Variants in UBAP2 observed in about 807,000 individuals in gnomAD.
UBAP2 encodes ubiquitin-associated protein 2.
A neutral mutation model predicts 139.6 loss-of-function variants in UBAP2; 75 were observed. That is an observed-to-expected ratio of 0.54 (90% CI 0.45 to 0.65). UBAP2 has a LOEUF of 0.65. Among genes scored for constraint, UBAP2 ranks in the 30% least tolerant of loss-of-function variants. The pLI is 0.00. For synonymous variants in UBAP2, 526 were observed against 526.2 expected (o/e 1.00, Z 0.01); for missense variants, 1,368 against 1,369.6 (o/e 1.00, Z 0.02).
chr9:33,983,809 A>C (rs1820971940), intron 6 of UBAP2, among the ~76,000 whole-genome samples: 1 of 152,258 alleles, frequency 6.6e-6, no homozygotes, highest in Non-Finnish European at 1.5e-5. Context: ...AATATAAAAA[A>C]TACTAAGCAG....
rs371616706 is a variant in UBAP2 at position 33,980,823 on chromosome 9, T to C, written c.520+5937A>G. 1.0e-3 allele frequency among the ~76,000 whole-genome samples: 151 copies of C among 151,318 alleles called. 2 individuals carry two copies. The Middle Eastern group carries it at 0.034, about 34-fold the overall frequency. On this transcript the variant is annotated intron_variant, in intron 6 of 28. Transcript: ENST00000379238. ...TTAGCTGGGCATAGTAGCGTGCACCTGTAGTCCCAGCTACTAGGGACGCTG... is the reference window on the plus strand; with the variant it reads ...TTAGCTGGGCATAGTAGCGTGCACCCGTAGTCCCAGCTACTAGGGACGCTG...
intron 16 of UBAP2, among the ~76,000 whole-genome samples, chr9:33,937,287 A>G (rs1290657536): frequency 6.6e-6 from 1 of 152,162 alleles, no homozygotes; most frequent in African/African-American, 2.4e-5. Flanking sequence ...AAGTAAAATT[A>G]TCTAGCATGT....
chr9:33,943,459 C>G lies in UBAP2; in HGVS notation c.1676G>C (p.Ser559Thr). The G allele has an allele frequency of 6.2e-7, 1 of 1,614,200 alleles. No individual in the cohort carries two copies. The highest frequency in any genetic ancestry group is 8.5e-7 in the Non-Finnish European group (1 of 1,180,024). Reference sequence around the variant, plus strand: ...ATACAAGCTGATGGGAATCTGATTACTATTTTCACTGCTTGGAGCTGATCC... The same window carrying G: ...ATACAAGCTGATGGGAATCTGATTAGTATTTTCACTGCTTGGAGCTGATCC... The part of the protein sequence containing the change: ...EFGSAPSSEN[S>T]NQIPISLYSK... Residue 559 changes from serine to threonine, a missense_variant, in exon 15 of 29, where the codon AGT becomes ACT. Transcript: ENST00000379238.
At chr9:34,013,329 C>T (rs1237685364) in intron 2 of UBAP2, among the ~76,000 whole-genome samples, 4 of 152,092 alleles carry the variant, frequency 2.6e-5, no homozygotes, top group African/African-American at 9.6e-5. Context: ...CTGGGTGGAT[C>T]ACCTGAAGTC....
chr9:33,997,647 C>T (rs193300840), intron 3 of UBAP2: 15 of 152,304 alleles, frequency 9.8e-5, no homozygotes, highest in Non-Finnish European at 7.3e-5. Flanking sequence ...CTGCAACATA[C>T]AATTTTTAAG....
intron 1 of UBAP2, among the ~76,000 whole-genome samples, chr9:34,034,621 T>A (rs2131342310): frequency 6.6e-6 from 1 of 152,320 alleles, no homozygotes; most frequent in East Asian, 1.9e-4. Flanking sequence ...ACGCCTGTAA[T>A]CCCAGCACTT....
intron 10 of UBAP2, among the ~76,000 whole-genome samples, chr9:33,957,100 A>T (rs897371196): frequency 1.3e-5 from 2 of 151,940 alleles, no homozygotes; most frequent in African/African-American, 4.8e-5. Flanking sequence ...AAAAAAAAAA[A>T]AGAAGAAGTC....
chr9:34,019,901 T>A (rs1053879820), intron 1 of UBAP2, among the ~76,000 whole-genome samples: 9 of 151,842 alleles, frequency 5.9e-5, no homozygotes, highest in Non-Finnish European at 8.8e-5. Flanking sequence ...GTGGCTCATA[T>A]CTGTAATCCT....
intron 4 of UBAP2, among the ~76,000 whole-genome samples, chr9:33,994,213 T>C (rs983708584): frequency 4.6e-5 from 7 of 152,116 alleles, no homozygotes; most frequent in East Asian, 1.9e-4. Flanking sequence ...TTCTAATACA[T>C]AGCCCAGAAC....
chr9:33,999,907 T>TACG (rs56853849), intron 2 of UBAP2, among the ~76,000 whole-genome samples: 2 of 77,732 alleles, frequency 2.6e-5, no homozygotes, highest in Admixed American at 1.3e-4. Context: ...TGTATGTATG[T>TACG]TATTTTGAGA....
At chr9:33,940,026 G>GGAGGAAGAGGGAAGA (rs1825065692) in intron 16 of UBAP2, among the ~76,000 whole-genome samples, 1 of 145,796 alleles carries the variant, frequency 6.9e-6, no homozygotes, top group Non-Finnish European at 1.5e-5. Context: ...GGGAGGGAGA[G>GGAGGAAGAGGGAAGA]GAGGGAGAGG....
intron 10 of UBAP2, among the ~76,000 whole-genome samples, chr9:33,959,998 A>C (rs1010090482): frequency 6.6e-6 from 1 of 152,040 alleles, no homozygotes; most frequent in Non-Finnish European, 1.5e-5. Flanking sequence ...AGGGCGGTCG[A>C]ATGATAATGC....
intron 12 of UBAP2, among the ~76,000 whole-genome samples, chr9:33,950,896 CAT>C (rs1165822061): frequency 1.3e-5 from 2 of 152,254 alleles, no homozygotes; most frequent in African/African-American, 2.4e-5. Flanking sequence ...ACAATACACA[CAT>C]GTGCATACAT....
At chr9:33,936,665 C>CA (rs1304576484) in intron 16 of UBAP2, among the ~76,000 whole-genome samples, 16 of 151,906 alleles carry the variant, frequency 1.1e-4, no homozygotes, top group African/African-American at 3.9e-4. Flanking sequence ...CAAAACAAAA[C>CA]AAATAAATAA....
intron 2 of UBAP2, among the ~76,000 whole-genome samples, chr9:34,010,204 A>G (rs1823629316): frequency 6.7e-6 from 1 of 148,248 alleles, no homozygotes; most frequent in South Asian, 2.1e-4. Flanking sequence ...CGGGCAGATC[A>G]CCTGAGGTCA....
chr9:33,954,485 T>C (rs1186340003), intron 11 of UBAP2, among the ~76,000 whole-genome samples: 1 of 152,152 alleles, frequency 6.6e-6, no homozygotes, highest in Non-Finnish European at 1.5e-5. Flanking sequence ...TAGTAGGACC[T>C]GCCAGATGCA....
chr9:34,008,837 C>T (rs902010497), intron 2 of UBAP2, among the ~76,000 whole-genome samples: 2 of 151,132 alleles, frequency 1.3e-5, no homozygotes, highest in East Asian at 2.0e-4. Flanking sequence ...CAGTGGTGTG[C>T]GCCTGTAGTC....
At chr9:33,967,180 G>T (rs1261540648) in intron 8 of UBAP2, among the ~76,000 whole-genome samples, 9 of 152,100 alleles carry the variant, frequency 5.9e-5, no homozygotes, top group African/African-American at 2.2e-4. Context: ...ATGATTTATA[G>T]AAATACATGC....
chr9:34,028,925 C>T (rs865897886), intron 1 of UBAP2, among the ~76,000 whole-genome samples: 7 of 152,102 alleles, frequency 4.6e-5, no homozygotes, highest in East Asian at 1.9e-4. Context: ...CAAACCTGGG[C>T]GGCGTGGCAA....
Sources: gnomAD v4.1 joint callset for allele counts (sites outside exome capture counted in the v4.1 genomes callset) on GRCh38, gnomAD v4.1.1 for gene constraint, MANE v1.5 for transcripts, NCBI Gene and HGNC (gene_info 2026-07-23, HGNC 2026-07-21) for gene names.